The following CFDP1 variants were observed in gnomAD, a reference collection of about 807,000 sequenced individuals.
The protein encoded by CFDP1 is chromatin remodeling protein CFDP1.
Under a neutral mutation model 40.1 loss-of-function variants are expected in CFDP1, and 31 were observed. The observed-to-expected ratio is 0.77, with a 90% CI of 0.58 to 1.04. The LOEUF is 1.04. Ranked by LOEUF, CFDP1 falls within the 50% of genes least tolerant of loss-of-function variation. The pLI is 0.00. For synonymous variants in CFDP1, 167 were observed against 120.0 expected, an observed-to-expected ratio of 1.39 and a Z score of -2.56; for missense variants, 423 against 343.4, an observed-to-expected ratio of 1.23 and a Z score of -1.83.
intron 5 of CFDP1, among the ~76,000 whole-genome samples, chr16:75,340,833 G>A (rs542734892): frequency 1.1e-4 from 16 of 150,252 alleles, no homozygotes; most frequent in African/African-American, 1.9e-4. Context: ...AGGTCAATGC[G>A]AGGACCAGCT....
At chr16:75,318,600 T>C (rs1164602363) in intron 5 of CFDP1, among the ~76,000 whole-genome samples, 1 of 152,024 alleles carries the variant, frequency 6.6e-6, no homozygotes, top group Non-Finnish European at 1.5e-5. Context: ...GAGACTGGGT[T>C]TCACCGTGTT....
intron 4 of CFDP1, among the ~76,000 whole-genome samples, chr16:75,408,341 G>A (rs1225689037): frequency 6.6e-6 from 1 of 152,056 alleles, no homozygotes; most frequent in South Asian, 2.1e-4. Flanking sequence ...AGGATGGAAG[G>A]GTGGTCAGAA....
intron 5 of CFDP1, among the ~76,000 whole-genome samples, chr16:75,312,839 G>A (rs1217069534): frequency 6.6e-6 from 1 of 152,158 alleles, no homozygotes; most frequent in African/African-American, 2.4e-5. Context: ...CTAAGACATG[G>A]ACTGTTTTCC....
In CFDP1 at chr16:75,356,736, T is replaced by G. The variant is rs537747976; in HGVS notation, c.650+38354A>C. On this transcript the variant is annotated intron_variant, in intron 5 of 6. Coordinates refer to ENST00000283882, the MANE Select transcript of CFDP1 (RefSeq NM_006324.3). ...AATAGAAAGCTATTTAAAAAAATAA[T>G]AAGAAGAAAGAAAAAAGAAAAGGCT... Among the ~76,000 whole-genome samples, 374 of 152,132 alleles carry G rather than the reference T, an allele frequency of 2.5e-3. 2 individuals carry two copies. Among genetic ancestry groups the G allele is most frequent in the African/African-American group, 8.0e-3 (334 of 41,520 alleles).
intron 5 of CFDP1, among the ~76,000 whole-genome samples, chr16:75,306,188 A>G (rs1330415852): frequency 5.9e-5 from 9 of 152,214 alleles, no homozygotes; most frequent in Non-Finnish European, 7.3e-5. Context: ...GTCTACTGAT[A>G]ATAATACCTT....
At chr16:75,365,660 C>T (rs550278721) in intron 5 of CFDP1, among the ~76,000 whole-genome samples, 112 of 152,152 alleles carry the variant, frequency 7.4e-4, no homozygotes, top group African/African-American at 2.5e-3. Flanking sequence ...CACTTGAGGC[C>T]GCTGTGCCTC....
At chr16:75,319,214 T>C (rs1294130858) in intron 5 of CFDP1, among the ~76,000 whole-genome samples, 1 of 152,078 alleles carries the variant, frequency 6.6e-6, no homozygotes, top group African/African-American at 2.4e-5. Context: ...CAGCTAATTT[T>C]TGTATTTTTA....
rs370826769 is a variant in CFDP1, at chr16:75,397,099, A to G, written c.531-1890T>C. The stretch of plus-strand genomic sequence containing the variant: ...CAGCTAATTTTTTTGTATTTTTAGT[A>G]GAGATGGGGTTTCACCGTGTTAGCC... On this transcript the variant is annotated intron_variant, in intron 4 of 6. Coordinates refer to ENST00000283882, the MANE Select transcript of CFDP1 (RefSeq NM_006324.3). 2.1e-4 allele frequency among the ~76,000 whole-genome samples: 32 copies of G among 151,962 alleles called. No individual in the cohort carries two copies. In the East Asian group the frequency reaches 4.5e-3, roughly 22 times the overall value.
At chr16:75,353,987 C>T (rs1303358459) in intron 5 of CFDP1, among the ~76,000 whole-genome samples, 1 of 151,992 alleles carries the variant, frequency 6.6e-6, no homozygotes, top group Non-Finnish European at 1.5e-5. Context: ...GAATTTTTTG[C>T]CTTTATCATG....
chr16:75,367,653 C>T (rs1018638413), intron 5 of CFDP1, among the ~76,000 whole-genome samples: 3 of 151,246 alleles, frequency 2.0e-5, no homozygotes, highest in East Asian at 2.0e-4. Flanking sequence ...ATTAGCCGGT[C>T]GTGGTGGCAG....
chr16:75,361,447 C>T lies in CFDP1; in HGVS notation c.650+33643G>A, dbSNP rs1384342340. ...TCCTAGACAACATAGTGAATCCCCA[C>T]GTACACTAAAAATACAATAATTAGC... On this transcript the variant is annotated intron_variant, in intron 5 of 6. Transcript: ENST00000283882. Among the ~76,000 whole-genome samples, 3 of 152,112 alleles carry T rather than the reference C, an allele frequency of 2.0e-5. No individual in the cohort carries two copies. The East Asian group carries it at 5.8e-4, about 30-fold the overall frequency.
intron 5 of CFDP1, among the ~76,000 whole-genome samples, chr16:75,391,761 G>A (rs1421256986): frequency 4.0e-5 from 6 of 151,744 alleles, no homozygotes. Context: ...CCGAGGTCAG[G>A]AGTTCAAGAC....
At chr16:75,397,286 G>C (rs1389124048) in intron 4 of CFDP1, among the ~76,000 whole-genome samples, 2 of 151,626 alleles carry the variant, frequency 1.3e-5, no homozygotes, top group African/African-American at 4.8e-5. Flanking sequence ...AGGCCAAAGT[G>C]GGCAGATCAT....
intron 5 of CFDP1, among the ~76,000 whole-genome samples, chr16:75,358,888 G>A (rs2078663474): frequency 6.6e-6 from 1 of 152,082 alleles, no homozygotes; most frequent in African/African-American, 2.4e-5. Context: ...TGTTGAGAAT[G>A]TCTAATGAAA....
intron 5 of CFDP1, among the ~76,000 whole-genome samples, chr16:75,372,897 T>C (rs576254440): frequency 1.3e-5 from 2 of 152,290 alleles, no homozygotes; most frequent in South Asian, 2.1e-4. Context: ...AATATTTTAG[T>C]TCCAAAATTC....
chr16:75,334,451 A>C (rs1002597805), intron 5 of CFDP1, among the ~76,000 whole-genome samples: 51 of 150,344 alleles, frequency 3.4e-4, no homozygotes, highest in African/African-American at 1.1e-3. Flanking sequence ...AGCCCCAGAA[A>C]TAGGCTACTA....
chr16:75,332,060 T>C (rs964668275), intron 5 of CFDP1, among the ~76,000 whole-genome samples: 1 of 152,226 alleles, frequency 6.6e-6, no homozygotes, highest in African/African-American at 2.4e-5. Flanking sequence ...CATTTCCCTA[T>C]TGTCTAAGAT....
At chr16:75,387,358 G>C (rs997833818) in intron 5 of CFDP1, among the ~76,000 whole-genome samples, 8 of 152,092 alleles carry the variant, frequency 5.3e-5, no homozygotes, top group Admixed American at 4.6e-4. Flanking sequence ...AGCCAGGATG[G>C]TCTCGATCTC....
chr16:75,319,036 T>C (rs2078344815), intron 5 of CFDP1, among the ~76,000 whole-genome samples: 1 of 152,154 alleles, frequency 6.6e-6, no homozygotes, highest in Non-Finnish European at 1.5e-5. Context: ...TCCCTCTCAA[T>C]ACCAAACTTA....
Sources: gnomAD v4.1 joint callset for allele counts (sites outside exome capture counted in the v4.1 genomes callset) on GRCh38, gnomAD v4.1.1 for gene constraint, MANE v1.5 for transcripts, NCBI Gene and HGNC (gene_info 2026-07-23, HGNC 2026-07-21) for gene names.